The following CNIH3 variants were observed in gnomAD, a reference collection of about 807,000 sequenced individuals.
CNIH3 encodes the protein cornichon family AMPA receptor auxiliary protein 3, also known as protein cornichon homolog 3.
CNIH3 carries 14 observed loss-of-function variants against 24.1 expected under a neutral mutation model. That is an observed-to-expected ratio of 0.58 (90% CI 0.38 to 0.91). CNIH3 has a LOEUF of 0.91. CNIH3 is among the 40% of genes least tolerant of loss of function. The pLI, the probability that CNIH3 is intolerant of heterozygous loss-of-function variation, is 0.00. For synonymous variants in CNIH3, 68 were observed against 73.8 expected (o/e 0.92, Z 0.40); for missense variants, 178 against 196.8 (o/e 0.90, Z 0.57).
chr1:224,507,303 G>T (rs1469544540), intron 1 of CNIH3, among the ~76,000 whole-genome samples: 1 of 152,136 alleles, frequency 6.6e-6, no homozygotes, highest in Non-Finnish European at 1.5e-5. Context: ...AGACAGATCG[G>T]GTTCAAATCT....
At chr1:224,499,106 G>A (rs975711705) in intron 1 of CNIH3, among the ~76,000 whole-genome samples, 4 of 152,196 alleles carry the variant, frequency 2.6e-5, no homozygotes, top group Non-Finnish European at 5.9e-5. Context: ...CTCCGTTAAA[G>A]CTTATTGTTT....
intron 3 of CNIH3, among the ~76,000 whole-genome samples, chr1:224,551,509 C>A (rs564695696): frequency 3.9e-5 from 6 of 152,136 alleles, no homozygotes; most frequent in Admixed American, 3.3e-4. Context: ...ATAGAAATAT[C>A]AGAGGGATGA....
At chr1:224,662,473 C>T (rs896098262) in intron 1 of CNIH3, among the ~76,000 whole-genome samples, 29 of 152,112 alleles carry the variant, frequency 1.9e-4, no homozygotes, top group Non-Finnish European at 4.1e-4. Context: ...TTTGTTTTGG[C>T]TGGGTTTATA....
chr1:224,536,546 T>G (rs533057952), intron 2 of CNIH3, among the ~76,000 whole-genome samples: 1 of 152,154 alleles, frequency 6.6e-6, no homozygotes, highest in East Asian at 1.9e-4. Context: ...CCACCTCGGC[T>G]TCCCAAAGTG....
At chr1:224,712,020 TC>T (rs928194136) in intron 3 of CNIH3, among the ~76,000 whole-genome samples, 47 of 152,208 alleles carry the variant, frequency 3.1e-4, no homozygotes, top group African/African-American at 1.0e-3. Context: ...AAAGGCCCTT[TC>T]CCCAGGCTAT....
At chr1:224,564,827 A>G (rs1380313445) in intron 3 of CNIH3, among the ~76,000 whole-genome samples, 1 of 152,248 alleles carries the variant, frequency 6.6e-6, no homozygotes, top group Non-Finnish European at 1.5e-5. Flanking sequence ...GAATAATCAC[A>G]ACTGAAACAA....
At chr1:224,514,701 C>T (rs146724564), upstream of CNIH3, among the ~76,000 whole-genome samples, 3 of 151,916 alleles carry the variant, frequency 2.0e-5, no homozygotes, top group Non-Finnish European at 2.9e-5. Context: ...TGTGGTGGTG[C>T]GAGCCTGTAG....
intron 1 of CNIH3, among the ~76,000 whole-genome samples, chr1:224,478,746 A>C (rs1676682842): frequency 6.6e-6 from 1 of 152,154 alleles, no homozygotes; most frequent in African/African-American, 2.4e-5. Context: ...TGATAAAGAC[A>C]TACCTAAGAC....
At chr1:224,666,873 G>A (rs1254818572) in intron 1 of CNIH3, among the ~76,000 whole-genome samples, 1 of 152,196 alleles carries the variant, frequency 6.6e-6, no homozygotes, top group Non-Finnish European at 1.5e-5. Flanking sequence ...TGTTTGCATG[G>A]TTGTCATGTC....
chr1:224,610,358 T>G (rs750895216), intron 3 of CNIH3, among the ~76,000 whole-genome samples: 1 of 152,244 alleles, frequency 6.6e-6, no homozygotes, highest in Non-Finnish European at 1.5e-5. Flanking sequence ...AGGAATCTGG[T>G]AGGAGATGAC....
intron 1 of CNIH3, among the ~76,000 whole-genome samples, chr1:224,637,294 G>A (rs1027233432): frequency 2.0e-5 from 3 of 152,040 alleles, no homozygotes; most frequent in Non-Finnish European, 4.4e-5. Flanking sequence ...TTCCATCTGC[G>A]AGGTCCCCGC....
In CNIH3 at chr1:224,548,327, A is replaced by G. The variant is rs12403062; in HGVS notation, n.450+1388A>G. On this transcript the variant is annotated intron_variant and non_coding_transcript_variant, in intron 3 of 5. Coordinates refer to the CNIH3 transcript ENST00000471578. ...ACTCGCAATATCAAAGGGAGACATTACTTTCAATATCACAGTGGGTGTACA... is the reference window on the plus strand; with the variant it reads ...ACTCGCAATATCAAAGGGAGACATTGCTTTCAATATCACAGTGGGTGTACA... Among the ~76,000 whole-genome samples the G allele has an allele frequency of 5.7e-3, 859 of 151,526 alleles. 5 individuals carry two copies. Among genetic ancestry groups the G allele is most frequent in the Non-Finnish European group, 9.7e-3 (655 of 67,798 alleles).
At chr1:224,524,848 A>G (rs1441981986) in intron 2 of CNIH3, among the ~76,000 whole-genome samples, 1 of 152,178 alleles carries the variant, frequency 6.6e-6, no homozygotes, top group Non-Finnish European at 1.5e-5. Flanking sequence ...ACAGTGGTTG[A>G]TTCAGAGATA....
In CNIH3 at chr1:224,464,992, C is replaced by A. The variant is rs1311612433; in HGVS notation, n.203+30130C>A. 2.7e-4 allele frequency among the ~76,000 whole-genome samples: 41 copies of A among 152,018 alleles called. 1 individual carries two copies. The highest frequency in any genetic ancestry group is 2.7e-3 in the Admixed American group (41 of 15,260). On this transcript the variant is annotated intron_variant and non_coding_transcript_variant, in intron 1 of 5. Transcript: ENST00000471578. ...TTGATTTTTTGTAGAAACAGTCTCA[C>A]CATGTTGCCCAGGCTGGTCTGAAAC...
At chr1:224,669,728 T>G (rs1685770075) in intron 1 of CNIH3, among the ~76,000 whole-genome samples, 1 of 152,218 alleles carries the variant, frequency 6.6e-6, no homozygotes, top group Admixed American at 6.5e-5. Context: ...TGCCCGGTGC[T>G]TGTTGTACAT....
At chr1:224,711,360 G>A (rs971977113) in intron 3 of CNIH3, among the ~76,000 whole-genome samples, 7 of 142,358 alleles carry the variant, frequency 4.9e-5, no homozygotes, top group African/African-American at 1.6e-4. Flanking sequence ...TTGTTCTGTC[G>A]CCCAAGCTGG....
At chr1:224,654,297 C>T (rs1465881950) in intron 1 of CNIH3, among the ~76,000 whole-genome samples, 6 of 152,054 alleles carry the variant, frequency 3.9e-5, no homozygotes, top group African/African-American at 1.4e-4. Flanking sequence ...GCAGGAGGAT[C>T]GCTTGAACCC....
intron 1 of CNIH3, among the ~76,000 whole-genome samples, chr1:224,617,533 A>G (rs1292828602): frequency 6.6e-6 from 1 of 152,010 alleles, no homozygotes; most frequent in East Asian, 1.9e-4. Context: ...GGCGGCTACA[A>G]CCACAACTAA....
intron 1 of CNIH3, among the ~76,000 whole-genome samples, chr1:224,644,941 G>A (rs755489742): frequency 6.6e-6 from 1 of 152,214 alleles, no homozygotes; most frequent in African/African-American, 2.4e-5. Flanking sequence ...CCCCATGCAG[G>A]TAGTGGCTGA....
Sources: allele counts gnomAD v4.1 joint callset (sites outside exome capture counted in the v4.1 genomes callset), GRCh38; gene constraint gnomAD v4.1.1; transcripts MANE v1.5; gene names NCBI Gene and HGNC (gene_info 2026-07-23, HGNC 2026-07-21).